SEC24A: variants seen among roughly 807,000 people sequenced by gnomAD.
SEC24A encodes SEC24 homolog A, COPII component, also known as protein transport protein Sec24A.
SEC24A carries 93 observed loss-of-function variants against 129.4 expected under a neutral mutation model. That is an observed-to-expected ratio of 0.72 (90% CI 0.61 to 0.85). SEC24A has a LOEUF of 0.85. SEC24A is among the 40% of genes least tolerant of loss of function. The probability of loss-of-function intolerance (pLI) is 0.00; values close to 1 mark genes in which losing one functional copy is unlikely to be tolerated. For synonymous variants in SEC24A, 460 were observed against 467.3 expected (o/e 0.98, Z 0.20); for missense variants, 1,264 against 1,307.4 (o/e 0.97, Z 0.51).
intron 1 of SEC24A, among the ~76,000 whole-genome samples, chr5:134,655,250 T>C (rs1383553347): frequency 5.9e-5 from 9 of 152,320 alleles, no homozygotes; most frequent in African/African-American, 1.7e-4. Context: ...AGCAGGTTCC[T>C]CTGATTCTGA....
At chr5:134,692,861 G>T (rs1221592126) in intron 12 of SEC24A, 1 of 707,088 alleles carries the variant, frequency 1.4e-6, no homozygotes, top group East Asian at 2.7e-5. Flanking sequence ...CAAGTTATTT[G>T]TAGTAGGGTA....
chr5:134,716,467 T>TA (rs370950499), intron 19 of SEC24A, among the ~76,000 whole-genome samples: 1,603 of 78,798 alleles, frequency 0.02, 14 homozygotes, highest in East Asian at 0.073. Context: ...AGACTTTGTC[T>TA]AAAAAAAAAA....
intron 2 of SEC24A, among the ~76,000 whole-genome samples, chr5:134,663,299 C>T (rs981344155): frequency 1.3e-5 from 2 of 152,042 alleles, no homozygotes; most frequent in African/African-American, 2.4e-5. Flanking sequence ...TAGGGTAACA[C>T]GATCATAGCT....
At chr5:134,713,810 C>T (rs1227183131) in intron 18 of SEC24A, among the ~76,000 whole-genome samples, 1 of 149,478 alleles carries the variant, frequency 6.7e-6, no homozygotes, top group East Asian at 2.0e-4. Flanking sequence ...GCGGGCGGAT[C>T]ATGAGGTCAG....
At chr5:134,655,607 G>T (rs1023229121) in intron 1 of SEC24A, among the ~76,000 whole-genome samples, 1 of 152,106 alleles carries the variant, frequency 6.6e-6, no homozygotes, top group Non-Finnish European at 1.5e-5. Context: ...GGTGGAGGTT[G>T]CAGTGAGCCG....
At chr5:134,666,756 T>C in intron 2 of SEC24A, 67 bp from the exon 3 acceptor site, 1 of 1,333,272 alleles carries the variant, frequency 7.5e-7, no homozygotes, top group South Asian at 1.2e-5. Context: ...TCAGCTTTGG[T>C]AAAAGGCTGA....
At chr5:134,652,999 G>A (rs561659567) in intron 1 of SEC24A, among the ~76,000 whole-genome samples, 11 of 149,740 alleles carry the variant, frequency 7.3e-5, no homozygotes, top group African/African-American at 2.0e-4. Context: ...TAGAGACAGC[G>A]TTTCACCATA....
chr5:134,669,316 G>A (rs1044709633), intron 3 of SEC24A, among the ~76,000 whole-genome samples: 2 of 150,322 alleles, frequency 1.3e-5, no homozygotes, highest in Admixed American at 6.6e-5. Flanking sequence ...ACAGGCATGC[G>A]CCACCCCACC....
rs913549008 is a variant in SEC24A, at chr5:134,648,989, C to T, written c.-88C>T. On this transcript the variant is annotated 5_prime_UTR_variant, in exon 1 of 23. Coordinates refer to ENST00000398844, the MANE Select transcript of SEC24A (RefSeq NM_021982.3). Reference sequence around the variant, plus strand: ...CAGTCTTCAGTCTTAAGTCGTTAGCCTCCTCCCTCCGCTTTCAGCAGTGGT... The same window carrying T: ...CAGTCTTCAGTCTTAAGTCGTTAGCTTCCTCCCTCCGCTTTCAGCAGTGGT... 5.3e-6 allele frequency: 5 copies of T among 951,648 alleles called. No individual in the cohort carries two copies. Among genetic ancestry groups the T allele is most frequent in the African/African-American group, 4.9e-5 (3 of 60,754 alleles). 59.0% of individuals were successfully genotyped at this position (951,648 alleles called of 1,614,324 possible).
chr5:134,661,314 C>G lies in SEC24A; in HGVS notation c.293C>G (p.Pro98Arg), dbSNP rs1251743444. Reference protein sequence around the residue: ...RPPVASNPVTPSLHSGPAPRM... With the variant: ...RPPVASNPVTRSLHSGPAPRM... The stretch of plus-strand genomic sequence containing the variant: ...CCTGTGGCCTCTAATCCAGTGACAC[C>G]TTCGCTTCATAGTGGTCCTGCTCCC... The change falls in exon 2 of 23, where the codon CCT becomes CGT. Residue 98 changes from proline to arginine, a missense_variant. Coordinates refer to ENST00000398844, the MANE Select transcript of SEC24A (RefSeq NM_021982.3). The G allele has an allele frequency of 6.2e-7, 1 of 1,614,176 alleles. No homozygotes were observed. Among genetic ancestry groups the G allele is most frequent in the Admixed American group, 1.7e-5 (1 of 59,992 alleles).
intron 3 of SEC24A, among the ~76,000 whole-genome samples, chr5:134,669,568 C>T (rs1007016109): frequency 6.6e-6 from 1 of 150,698 alleles, no homozygotes; most frequent in East Asian, 2.0e-4. Context: ...CCTCCGCTCC[C>T]GGGTTCACGC....
At chr5:134,660,945 C>T (rs1447658855) in intron 1 of SEC24A, among the ~76,000 whole-genome samples, 174 bp from the exon 2 acceptor site, 4 of 152,046 alleles carry the variant, frequency 2.6e-5, no homozygotes, top group Admixed American at 6.6e-5. Context: ...TTGGCATGTG[C>T]TTATTAGCTA....
chr5:134,665,084 C>T (rs1750611451), intron 2 of SEC24A, among the ~76,000 whole-genome samples: 1 of 151,816 alleles, frequency 6.6e-6, no homozygotes, highest in African/African-American at 2.4e-5. Flanking sequence ...AGGCGTGAGC[C>T]ACTGCACCCA....
intron 19 of SEC24A, 41 bp downstream of exon 19, chr5:134,715,202 G>A (rs1407032878): frequency 6.4e-7 from 1 of 1,551,440 alleles, no homozygotes; most frequent in Non-Finnish European, 8.8e-7. Flanking sequence ...TTGAAGATTA[G>A]TAAGCCTAAT....
chr5:134,693,699 C>T, intron 12 of SEC24A, 28 bp from the exon 13 acceptor site: 1 of 1,606,952 alleles, frequency 6.2e-7, no homozygotes, highest in Non-Finnish European at 8.5e-7. Context: ...AATTATGACA[C>T]TTGAGTTTTC....
intron 7 of SEC24A, among the ~76,000 whole-genome samples, chr5:134,678,400 A>T (rs1751140950): frequency 6.6e-6 from 1 of 151,972 alleles, no homozygotes; most frequent in Non-Finnish European, 1.5e-5. Flanking sequence ...TTATGCCAAA[A>T]GTACATTGTA....
chr5:134,661,091 G>T (rs980554070), intron 1 of SEC24A, 28 bp from the exon 2 acceptor site: 1 of 1,487,712 alleles, frequency 6.7e-7, no homozygotes. Context: ...TCGTTGGTAA[G>T]ACTAATTTTT....
intron 4 of SEC24A, among the ~76,000 whole-genome samples, chr5:134,674,239 AT>A (rs1369075493): frequency 1.3e-5 from 2 of 152,234 alleles, no homozygotes; most frequent in East Asian, 3.8e-4. Flanking sequence ...GTATTAAATT[AT>A]CCAAAGAATT....
At chr5:134,697,632 T>C (rs1009565865) in intron 14 of SEC24A, among the ~76,000 whole-genome samples, 4 of 152,116 alleles carry the variant, frequency 2.6e-5, no homozygotes, top group African/African-American at 9.7e-5. Context: ...GGCGCACACC[T>C]GTGGTCCCAG....
Sources: allele counts gnomAD v4.1 joint callset (sites outside exome capture counted in the v4.1 genomes callset), GRCh38; gene constraint gnomAD v4.1.1; transcripts MANE v1.5; gene names NCBI Gene and HGNC (gene_info 2026-07-23, HGNC 2026-07-21).